ITGB2: variants seen among roughly 807,000 people sequenced by gnomAD.
ITGB2 encodes the protein integrin subunit beta 2.
Under a neutral mutation model 86.8 loss-of-function variants are expected in ITGB2, and 56 were observed. That is an observed-to-expected ratio of 0.65 (90% CI 0.52 to 0.81). The LOEUF (loss-of-function observed/expected upper bound fraction) is 0.81. Among genes scored for constraint, ITGB2 ranks in the 30% least tolerant of loss-of-function variants. The pLI is 0.00. For synonymous variants in ITGB2, 457 were observed against 450.4 expected (o/e 1.01, Z -0.19); for missense variants, 948 against 1,061.2 (o/e 0.89, Z 1.48).
intron 9 of ITGB2, chr21:44,894,371 ATT>A: frequency 6.0e-6 from 1 of 167,832 alleles, no homozygotes; most frequent in Admixed American, 5.5e-5. Context: ...CTGGGGGTAG[ATT>A]TCCAGAGCAG....
At chr21:44,903,243 T>C (rs1315325166) in intron 5 of ITGB2, 122 bp downstream of exon 5, 17 of 1,207,938 alleles carry the variant, frequency 1.4e-5, no homozygotes, top group Non-Finnish European at 1.8e-5. Context: ...TGGGGGGACC[T>C]GCATCTGGGG....
At chr21:44,888,940 G>T (rs750774372) in intron 13 of ITGB2, 45 bp from the exon 14 acceptor site, 33 of 1,577,542 alleles carry the variant, frequency 2.1e-5, no homozygotes, top group Non-Finnish European at 2.5e-5. Flanking sequence ...GTGTGCGGGG[G>T]CTCCGGCAAC....
At chr21:44,902,987 CAG>C (rs2083988118) in intron 5 of ITGB2, among the ~76,000 whole-genome samples, 1 of 152,232 alleles carries the variant, frequency 6.6e-6, no homozygotes, top group Middle Eastern at 3.2e-3. Context: ...CTTGGCCCAG[CAG>C]AGCTTGCTGT....
upstream of ITGB2, among the ~76,000 whole-genome samples, chr21:44,925,466 AG>A (rs2084361627): frequency 6.6e-6 from 1 of 151,054 alleles, no homozygotes; most frequent in African/African-American, 2.4e-5. Flanking sequence ...GAAGGAAGGA[AG>A]GAAGGAAGGA....
At chr21:44,908,243 TCTC>T (rs1448961620) in intron 3 of ITGB2, 2 of 623,438 alleles carry the variant, frequency 3.2e-6, no homozygotes, top group African/African-American at 1.8e-5. Flanking sequence ...AGACACCACT[TCTC>T]CTGCTGCCCT....
At chr21:44,923,360 G>C (rs1289994607), upstream of ITGB2, among the ~76,000 whole-genome samples, 1 of 150,368 alleles carries the variant, frequency 6.7e-6, no homozygotes, top group Non-Finnish European at 1.5e-5. Context: ...TGTGACAATG[G>C]TTTGTGGTTA....
intron 11 of ITGB2, among the ~76,000 whole-genome samples, chr21:44,890,472 C>G (rs373641369): frequency 6.6e-6 from 1 of 152,222 alleles, no homozygotes; most frequent in Admixed American, 6.5e-5. Flanking sequence ...TGCAGTGGCT[C>G]GGCAGGCTCA....
At chr21:44,888,644 C>T (rs376621955) in intron 14 of ITGB2, 49 bp downstream of exon 14, 265 of 1,588,682 alleles carry the variant, frequency 1.7e-4, no homozygotes, top group Non-Finnish European at 2.0e-4. Flanking sequence ...GCGGAGACCC[C>T]GCAGCCGGAG....
intron 7 of ITGB2, 123 bp downstream of exon 7, chr21:44,900,197 G>T: frequency 7.5e-7 from 1 of 1,340,184 alleles, no homozygotes; most frequent in Non-Finnish European, 1.1e-6. Context: ...GCTTCCAGAA[G>T]TTTCCTCAGG....
In ITGB2 at chr21:44,889,907, C is replaced by T. The variant is rs2083760720; in HGVS notation, c.1657+71G>A. 11 of 1,597,950 alleles carry T rather than the reference C, an allele frequency of 6.9e-6. No homozygotes were observed. The South Asian group carries it at 1.2e-4, about 18-fold the overall frequency. ...TTTCTGTTCCACTCGTTGAATGGTC[C>T]AGAACGCACCCCCCAACACCAAGTC... On this transcript the variant is annotated intron_variant, in intron 12 of 15. Coordinates refer to ENST00000652462, the MANE Select transcript of ITGB2 (RefSeq NM_000211.5).
chr21:44,920,238 G>GCA (rs369519324), intron 1 of ITGB2, among the ~76,000 whole-genome samples: 3 of 151,582 alleles, frequency 2.0e-5, no homozygotes, highest in South Asian at 2.1e-4. Flanking sequence ...CACCATACAT[G>GCA]CACACACACA....
chr21:44,912,571 C>T (rs1025855528), intron 1 of ITGB2, among the ~76,000 whole-genome samples: 1 of 152,244 alleles, frequency 6.6e-6, no homozygotes, highest in African/African-American at 2.4e-5. Context: ...CCTGCTGTAA[C>T]TTCCTGGAGG....
At position 44,910,267 on chromosome 21, in the gene ITGB2, G is replaced by A; in HGVS notation, c.147+17C>T. On this transcript the variant is annotated intron_variant, in intron 3 of 15. Coordinates refer to ENST00000652462, the MANE Select transcript of ITGB2 (RefSeq NM_000211.5). The stretch of plus-strand genomic sequence containing the variant: ...CCAGGAGCTGGGCAGGTGGGGAGGG[G>A]TCCAGGAGGCACTTACCAGCTTCTG... 1 of 1,612,720 alleles carries A rather than the reference G, an allele frequency of 6.2e-7. No individual in the cohort carries two copies. Among genetic ancestry groups the A allele is most frequent in the Non-Finnish European group, 8.5e-7 (1 of 1,179,522 alleles).
At chr21:44,917,562 C>T (rs558049742) in intron 1 of ITGB2, among the ~76,000 whole-genome samples, 3 of 152,316 alleles carry the variant, frequency 2.0e-5, no homozygotes, top group East Asian at 1.9e-4. Context: ...GGCAGTGGGA[C>T]CTCCCTGCTG....
Position 44,889,431 on chromosome 21 carries a change from C to G in ITGB2, c.1722G>C (p.Gln574His), listed in dbSNP as rs1308108809. The G allele has an allele frequency of 1.2e-6, 2 of 1,609,114 alleles. No individual in the cohort carries two copies. The highest frequency in any genetic ancestry group is 3.4e-5 in the Admixed American group (2 of 59,474). Residue 574 changes from glutamine to histidine, a missense_variant, in exon 13 of 16, where the codon CAG becomes CAC. Coordinates refer to ENST00000652462, the MANE Select transcript of ITGB2 (RefSeq NM_000211.5). ...GGCAGCCCTCAGTGGTCCTCTCGCA[C>G]TGGCACGCTGAGCCCTCAAAGCCCG... ...CHPGFEGSACQCERTTEGCLN... is the reference protein window; with the variant it reads ...CHPGFEGSACHCERTTEGCLN...
chr21:44,888,333 C>CTG (rs3054411), intron 14 of ITGB2, among the ~76,000 whole-genome samples: 15,987 of 152,316 alleles, frequency 0.1, 1,283 homozygotes, highest in East Asian at 0.4. Context: ...CGGGCCACCC[C>CTG]TGGGGACCTG....
chr21:44,901,782 G>A (rs1334057124), intron 5 of ITGB2, 49 bp from the exon 6 acceptor site: 10 of 1,577,834 alleles, frequency 6.3e-6, no homozygotes, highest in Non-Finnish European at 7.8e-6. Context: ...GGGCCCAGGT[G>A]GGAGGGCCAG....
intron 13 of ITGB2, 50 bp downstream of exon 13, chr21:44,889,226 G>T (rs2146497589): frequency 6.4e-7 from 1 of 1,569,344 alleles, no homozygotes; most frequent in Non-Finnish European, 8.8e-7. Context: ...TGGGTAGGTG[G>T]CCGGGGAGTG....
At position 44,900,333 on chromosome 21, in the gene ITGB2, C is replaced by T. The variant is rs1445904457; in HGVS notation, c.884G>A (p.Arg295Lys). The T allele has an allele frequency of 6.2e-7, 1 of 1,614,222 alleles. No individual in the cohort carries two copies. The highest frequency in any genetic ancestry group is 1.1e-5 in the South Asian group (1 of 91,084). Residue 295 changes from arginine to lysine, a missense_variant, in exon 7 of 16, where the codon AGG becomes AAG. Coordinates refer to ENST00000652462, the MANE Select transcript of ITGB2 (RefSeq NM_000211.5). ...GTGGGGACTTACGAATTCGTTGCTC[C>T]TCTTGTACAAGTTGTCCTCCAGGTG... ...RCHLEDNLYK[R>K]SNEFDYPSVG...
Sources: allele counts gnomAD v4.1 joint callset (sites outside exome capture counted in the v4.1 genomes callset), GRCh38; gene constraint gnomAD v4.1.1; transcripts MANE v1.5; gene names NCBI Gene and HGNC (gene_info 2026-07-23, HGNC 2026-07-21).